MSI2: variants seen among roughly 807,000 people sequenced by gnomAD.
MSI2 encodes musashi RNA binding protein 2, also known as RNA-binding protein Musashi homolog 2.
A neutral mutation model predicts 45.6 loss-of-function variants in MSI2; 17 were observed. The ratio of observed to expected loss-of-function variants is 0.37; its 90% CI spans 0.26 to 0.56. MSI2 has a LOEUF of 0.56. Among genes scored for constraint, MSI2 ranks in the 20% least tolerant of loss-of-function variants. The pLI, the probability that MSI2 is intolerant of heterozygous loss-of-function variation, is 0.77. For synonymous variants in MSI2, 156 were observed against 158.2 expected (o/e 0.99, Z 0.11); for missense variants, 293 against 444.2 (o/e 0.66, Z 3.06).
At chr17:57,558,906 CA>C (rs369249343) in intron 7 of MSI2, among the ~76,000 whole-genome samples, 2 of 151,586 alleles carry the variant, frequency 1.3e-5, no homozygotes, top group Non-Finnish European at 1.5e-5. Flanking sequence ...ACTAAAAATA[CA>C]AAAAAAACAG....
chr17:57,615,867 G>A (rs1056358795), intron 8 of MSI2, 103 bp from the exon 9 acceptor site: 2 of 869,754 alleles, frequency 2.3e-6, no homozygotes, highest in Non-Finnish European at 3.7e-6. Flanking sequence ...AGTGGGTAAG[G>A]AGCAAGGCTA....
chr17:57,679,511 G>A, intron 13 of MSI2, 38 bp from the exon 14 acceptor site: 2 of 1,039,382 alleles, frequency 1.9e-6, no homozygotes, highest in Non-Finnish European at 2.3e-6. Flanking sequence ...TCCATTTTAT[G>A]TTTTCTTCTG....
At chr17:57,461,256 G>A (rs946030018) in intron 6 of MSI2, among the ~76,000 whole-genome samples, 2 of 152,176 alleles carry the variant, frequency 1.3e-5, no homozygotes, top group Admixed American at 1.3e-4. Flanking sequence ...ACAGCATTTG[G>A]CCTGCTCCCC....
At chr17:57,511,952 T>C (rs2086364966) in intron 6 of MSI2, among the ~76,000 whole-genome samples, 1 of 152,172 alleles carries the variant, frequency 6.6e-6, no homozygotes, top group Non-Finnish European at 1.5e-5. Flanking sequence ...CACCTGCTGC[T>C]CCATTACCAG....
intron 6 of MSI2, among the ~76,000 whole-genome samples, chr17:57,430,672 C>A (rs879517932): frequency 5.3e-5 from 8 of 152,214 alleles, no homozygotes; most frequent in Non-Finnish European, 5.9e-5. Context: ...GTCTGTCTGT[C>A]TTCTTCTCAA....
chr17:57,312,480 G>T (rs1912480637), intron 5 of MSI2, among the ~76,000 whole-genome samples: 1 of 152,162 alleles, frequency 6.6e-6, no homozygotes, highest in African/African-American at 2.4e-5. Context: ...GGAGGTGCCT[G>T]ATGAGAGAGA....
chr17:57,322,536 A>C (rs949081840), intron 5 of MSI2, among the ~76,000 whole-genome samples: 1 of 150,926 alleles, frequency 6.6e-6, no homozygotes, highest in Admixed American at 6.6e-5. Flanking sequence ...GGGGTGAAAT[A>C]ACAGCATAGA....
In MSI2 at chr17:57,652,248, C is replaced by T; in HGVS notation, c.790+87C>T. 1 of 1,333,282 alleles carries T rather than the reference C, an allele frequency of 7.5e-7. No individual in the cohort carries two copies. The highest frequency in any genetic ancestry group is 1.1e-6 in the Non-Finnish European group (1 of 933,228). The allele number at this position is 1,333,282 out of a possible 1,614,324, so 82.6% of individuals were successfully genotyped here. Reference sequence around the variant, plus strand: ...AGGCCCTGTCGGATCTGTGTGGCTGCATCTGTCCAACACCACTCTCACCAC... The same window carrying T: ...AGGCCCTGTCGGATCTGTGTGGCTGTATCTGTCCAACACCACTCTCACCAC... On this transcript the variant is annotated intron_variant, in intron 11 of 13. Transcript: ENST00000284073. The surrounding 1 kb of genome is among the most constrained non-coding windows in gnomAD (Gnocchi z 4.1).
chr17:57,463,993 G>A (rs999616473), intron 6 of MSI2, among the ~76,000 whole-genome samples: 3 of 53,862 alleles, frequency 5.6e-5, no homozygotes, highest in Admixed American at 1.5e-4. Flanking sequence ...TAATGAACGT[G>A]TGTGTGTGTG....
intron 3 of MSI2, 69 bp downstream of exon 3, chr17:57,257,616 C>G (rs544519932): frequency 8.5e-7 from 1 of 1,181,366 alleles, no homozygotes; most frequent in East Asian, 2.4e-5. Context: ...TTGGAGGTGT[C>G]TTCGGAAGTA....
At chr17:57,323,669 C>T (rs953675395) in intron 5 of MSI2, among the ~76,000 whole-genome samples, 6 of 152,258 alleles carry the variant, frequency 3.9e-5, no homozygotes, top group Admixed American at 1.3e-4. Flanking sequence ...GTGGCCTCAC[C>T]AGGGGAGACT....
intron 6 of MSI2, among the ~76,000 whole-genome samples, chr17:57,499,605 A>G (rs1029337153): frequency 3.9e-5 from 6 of 152,228 alleles, no homozygotes; most frequent in African/African-American, 1.4e-4. Context: ...AAATCACCCA[A>G]AAACTTGTTG....
At chr17:57,309,752 G>A (rs1380884312) in intron 5 of MSI2, among the ~76,000 whole-genome samples, 1 of 152,152 alleles carries the variant, frequency 6.6e-6, no homozygotes, top group African/African-American at 2.4e-5. Context: ...GGAAGAGGAG[G>A]CAGAGAGGGC....
intron 8 of MSI2, among the ~76,000 whole-genome samples, chr17:57,612,588 T>C (rs1282980635): frequency 6.6e-6 from 1 of 152,144 alleles, no homozygotes; most frequent in African/African-American, 2.4e-5. Context: ...CAGCAGGTGG[T>C]TGGCACTCAG....
chr17:57,568,689 T>C (rs1227245734), intron 7 of MSI2, among the ~76,000 whole-genome samples: 2 of 152,260 alleles, frequency 1.3e-5, no homozygotes, highest in Non-Finnish European at 2.9e-5. Flanking sequence ...AAATGAGTGT[T>C]ATTAAACTCC....
intron 7 of MSI2, among the ~76,000 whole-genome samples, chr17:57,531,046 G>T (rs1598372646): frequency 6.6e-6 from 1 of 152,148 alleles, no homozygotes; most frequent in Non-Finnish European, 1.5e-5. Context: ...GATCGATTTT[G>T]TCCACTGCAT....
At chr17:57,662,891 G>T (rs1912090811) in intron 11 of MSI2, among the ~76,000 whole-genome samples, 2 of 152,204 alleles carry the variant, frequency 1.3e-5, no homozygotes, top group African/African-American at 4.8e-5. Flanking sequence ...GAGGAGGCGT[G>T]GTCGTGTAAG....
At chr17:57,623,068 C>T (rs965599884) in intron 9 of MSI2, among the ~76,000 whole-genome samples, 2 of 152,138 alleles carry the variant, frequency 1.3e-5, no homozygotes, top group East Asian at 1.9e-4. Context: ...AATTGGACGG[C>T]GCAGGTCTGG....
chr17:57,620,400 C>T (rs934409514), intron 9 of MSI2, among the ~76,000 whole-genome samples: 1 of 152,130 alleles, frequency 6.6e-6, no homozygotes, highest in Non-Finnish European at 1.5e-5. Context: ...TTAATTAAAC[C>T]GCATAATGCT....
Sources: gnomAD v4.1 joint callset for allele counts (sites outside exome capture counted in the v4.1 genomes callset) on GRCh38, gnomAD v4.1.1 for gene constraint, Gnocchi (gnomAD v3.1) non-coding constraint, MANE v1.5 for transcripts, NCBI Gene and HGNC (gene_info 2026-07-23, HGNC 2026-07-21) for gene names.